EIF4ENIF1: variants seen among roughly 807,000 people sequenced by gnomAD.
EIF4ENIF1 encodes the protein eukaryotic translation initiation factor 4E transporter.
EIF4ENIF1 carries 23 observed loss-of-function variants against 110.5 expected under a neutral mutation model. That is an observed-to-expected ratio of 0.21 (90% confidence interval 0.15 to 0.29). EIF4ENIF1 has a LOEUF of 0.29. Ranked by LOEUF, EIF4ENIF1 falls within the 10% of genes least tolerant of loss-of-function variation. The pLI, the probability that EIF4ENIF1 is intolerant of heterozygous loss-of-function variation, is 1.00. For missense variants in EIF4ENIF1, 1,031 were observed against 1,221.1 expected (o/e 0.84, Z 2.32); for synonymous variants, 440 against 437.0 (o/e 1.01, Z -0.09).
Position 31,486,793 on chromosome 22 carries a change from T to C in EIF4ENIF1, c.96+1830A>G, listed in dbSNP as rs574600650. Among the ~76,000 whole-genome samples the C allele has an allele frequency of 2.7e-4, 40 of 150,534 alleles. No individual in the cohort carries two copies. In the South Asian group the frequency reaches 4.4e-3, roughly 17 times the overall value. On this transcript the variant is annotated intron_variant, in intron 2 of 18. Coordinates refer to ENST00000330125, the MANE Select transcript of EIF4ENIF1 (RefSeq NM_019843.4). ...CTCAAAGAAACAAAAAAATAAGTAC[T>C]GGAACGGCTGGGCGCAGTGGCTCAC...
chr22:31,464,067 TG>T (rs1332206087), intron 4 of EIF4ENIF1, 100 bp from the exon 5 acceptor site: 2 of 1,444,664 alleles, frequency 1.4e-6, no homozygotes, highest in African/African-American at 2.8e-5. Flanking sequence ...AGGGGATGGT[TG>T]GAAGAGAGTC....
chr22:31,447,522 G>A lies in EIF4ENIF1; in HGVS notation c.1892C>T (p.Ala631Val). 6.8e-6 allele frequency: 11 copies of A among 1,611,996 alleles called. No homozygotes were observed. Among genetic ancestry groups the A allele is most frequent in the Non-Finnish European group, 9.3e-6 (11 of 1,178,924 alleles). ...ELQQAALEGL[A>V]LPHDLAVQAA... is the part of the protein sequence containing the mutation. ...CTGTACAGCAAGGTCATGTGGCAAG[G>A]CCAGCCCTTCTAAAGCTGCCTGTTG... Residue 631 changes from alanine to valine, a missense_variant, in exon 14 of 19, where the codon GCC becomes GTC. Around this residue, in one of 3 missense-constraint regions of EIF4ENIF1, gnomAD observed 704 missense variants for 879.7 expected, o/e 0.80. Coordinates refer to ENST00000330125, the MANE Select transcript of EIF4ENIF1 (RefSeq NM_019843.4).
chr22:31,471,780 C>T lies in EIF4ENIF1; in HGVS notation c.170+64G>A, dbSNP rs189390912. ...TCAAAACAATACAATTCTTAATTTA[C>T]CAAGTTTGGTATAACAAAAAGTTAT... On this transcript the variant is annotated intron_variant, in intron 3 of 18. Coordinates refer to ENST00000330125, the MANE Select transcript of EIF4ENIF1 (RefSeq NM_019843.4). 2.5e-5 allele frequency: 35 copies of T among 1,376,312 alleles called. No individual in the cohort carries two copies. The African/African-American group carries it at 4.6e-4, about 18-fold the overall frequency. The allele number at this position is 1,376,312 out of a possible 1,614,324, so 85.3% of individuals were successfully genotyped here.
intron 7 of EIF4ENIF1, among the ~76,000 whole-genome samples, chr22:31,456,639 C>T (rs1249045447): frequency 2.6e-5 from 4 of 152,156 alleles, no homozygotes; most frequent in African/African-American, 4.8e-5. Context: ...CTCAGGCTCT[C>T]GAGTAGCTGG....
chr22:31,447,294 T>G (rs1366286204), intron 14 of EIF4ENIF1, 132 bp downstream of exon 14: 3 of 1,057,802 alleles, frequency 2.8e-6, no homozygotes, highest in Admixed American at 5.6e-5. Context: ...TTGATTTGGA[T>G]TGGGATGGAA....
intron 16 of EIF4ENIF1, among the ~76,000 whole-genome samples, chr22:31,442,436 C>G (rs1248878233): frequency 1.3e-5 from 2 of 152,096 alleles, no homozygotes; most frequent in East Asian, 3.9e-4. Context: ...TCCTCCCCAC[C>G]ACCCACCCCA....
chr22:31,454,509 A>C, intron 9 of EIF4ENIF1, 133 bp from the exon 10 acceptor site: 1 of 735,600 alleles, frequency 1.4e-6, no homozygotes, highest in Non-Finnish European at 2.2e-6. Flanking sequence ...AAAGACTGAC[A>C]CCAAAAATAA....
At chr22:31,480,891 C>A (rs769446229) in intron 2 of EIF4ENIF1, among the ~76,000 whole-genome samples, 1 of 151,592 alleles carries the variant, frequency 6.6e-6, no homozygotes, top group Non-Finnish European at 1.5e-5. Context: ...ATGGCGAAAT[C>A]GTCTCTACTA....
chr22:31,474,064 CT>C (rs71878640), intron 2 of EIF4ENIF1, among the ~76,000 whole-genome samples: 248 of 145,312 alleles, frequency 1.7e-3, no homozygotes, highest in Middle Eastern at 0.011. Flanking sequence ...AGTTTTTCCT[CT>C]TTTTTTTTTT....
chr22:31,441,923 G>A lies in EIF4ENIF1; in HGVS notation c.2402C>T (p.Thr801Ile). The change falls in exon 17 of 19, where the codon ACA becomes ATA. Residue 801 changes from threonine to isoleucine, a missense_variant. Physicochemically the swap from Thr to Ile is moderately conservative, Grantham distance 89. This residue lies in a region of EIF4ENIF1 where 309 missense variants were observed against 299.1 expected (regional missense o/e 1.03). Coordinates refer to ENST00000330125, the MANE Select transcript of EIF4ENIF1 (RefSeq NM_019843.4). The part of the protein sequence containing the change: ...KTPTLASPVP[T>I]TPFLRPVHQV... ...GTGGACAGGGCGGAGAAAAGGTGTTGTAGGAACTGGGGATGCCAAGGTGGG... is the reference window on the plus strand; with the variant it reads ...GTGGACAGGGCGGAGAAAAGGTGTTATAGGAACTGGGGATGCCAAGGTGGG... 3 of 1,614,192 alleles carry A rather than the reference G, an allele frequency of 1.9e-6. No individual in the cohort carries two copies. In the East Asian group the frequency reaches 6.7e-5, roughly 36 times the overall value.
At chr22:31,444,426 C>T in intron 15 of EIF4ENIF1, 180 bp downstream of exon 15, 1 of 611,080 alleles carries the variant, frequency 1.6e-6, no homozygotes, top group South Asian at 1.9e-5. Flanking sequence ...TCATTAAAAT[C>T]CTAAGACTTA....
chr22:31,471,549 C>T (rs944685796), intron 3 of EIF4ENIF1, among the ~76,000 whole-genome samples: 4 of 152,128 alleles, frequency 2.6e-5, no homozygotes, highest in African/African-American at 7.2e-5. Flanking sequence ...CTCCTGACCT[C>T]GTGATCCGCC....
At chr22:31,478,673 C>T (rs187640444) in intron 2 of EIF4ENIF1, among the ~76,000 whole-genome samples, 8 of 148,200 alleles carry the variant, frequency 5.4e-5, no homozygotes, top group Admixed American at 2.7e-4. Context: ...AAAAAATGGC[C>T]GGGCACAGTG....
intron 2 of EIF4ENIF1, among the ~76,000 whole-genome samples, chr22:31,474,470 C>A (rs982055678): frequency 1.3e-4 from 20 of 149,872 alleles, no homozygotes; most frequent in African/African-American, 4.6e-4. Context: ...GCCCATGTGT[C>A]TTTTTCAACA....
At chr22:31,480,029 T>C (rs558091455) in intron 2 of EIF4ENIF1, among the ~76,000 whole-genome samples, 2 of 152,192 alleles carry the variant, frequency 1.3e-5, no homozygotes, top group African/African-American at 4.8e-5. Context: ...TCTTAACCCA[T>C]AGGAACTTAC....
chr22:31,438,234 G>GAAAT (rs917324998), downstream of EIF4ENIF1, among the ~76,000 whole-genome samples: 3 of 152,150 alleles, frequency 2.0e-5, no homozygotes, highest in African/African-American at 7.2e-5. Flanking sequence ...AGTAGCATGG[G>GAAAT]AAATAAGTAT....
chr22:31,454,722 T>G (rs1047354457), intron 9 of EIF4ENIF1, among the ~76,000 whole-genome samples: 1 of 152,156 alleles, frequency 6.6e-6, no homozygotes, highest in Non-Finnish European at 1.5e-5. Context: ...TAGCCCAACA[T>G]TGCCAAGATT....
chr22:31,460,854 G>A (rs1257130858), intron 6 of EIF4ENIF1, among the ~76,000 whole-genome samples: 5 of 151,640 alleles, frequency 3.3e-5, no homozygotes, highest in East Asian at 3.9e-4. Flanking sequence ...GCTGAGGCAG[G>A]AGAATGGCGT....
intron 2 of EIF4ENIF1, among the ~76,000 whole-genome samples, chr22:31,480,355 C>A (rs1007265492): frequency 6.6e-6 from 1 of 152,194 alleles, no homozygotes; most frequent in Non-Finnish European, 1.5e-5. Context: ...AATCCTTATC[C>A]ATTTCTTTCT....
Sources: gnomAD v4.1 joint callset for allele counts (sites outside exome capture counted in the v4.1 genomes callset) on GRCh38, gnomAD v4.1.1 for gene constraint, gnomAD v4.1.1 regional missense constraint, MANE v1.5 for transcripts, NCBI Gene and HGNC (gene_info 2026-07-23, HGNC 2026-07-21) for gene names.